Variants in JCAD observed in about 807,000 individuals in gnomAD.
JCAD encodes the protein junctional cadherin 5-associated protein.
In JCAD, 40 loss-of-function variants were observed where a neutral mutation model predicts 98.0. The ratio of observed to expected loss-of-function variants is 0.41; its 90% CI spans 0.32 to 0.53. The LOEUF is 0.53. JCAD is among the 20% of genes least tolerant of loss of function. The probability of loss-of-function intolerance (pLI) is 0.31; values close to 1 mark genes in which losing one functional copy is unlikely to be tolerated. For missense variants in JCAD, 1,705 were observed against 1,738.1 expected (o/e 0.98, Z 0.34); for synonymous variants, 691 against 682.3 (o/e 1.01, Z -0.20).
At chr10:30,069,458 A>G (rs1016701208) in intron 2 of JCAD, among the ~76,000 whole-genome samples, 7 of 151,730 alleles carry the variant, frequency 4.6e-5, no homozygotes, top group African/African-American at 1.7e-4. Context: ...AAAAAAAAAA[A>G]AAAAAAAAAA....
intron 1 of JCAD, among the ~76,000 whole-genome samples, chr10:30,088,606 A>G (rs1047209103): frequency 2.0e-5 from 3 of 152,226 alleles, no homozygotes; most frequent in African/African-American, 7.2e-5. Flanking sequence ...GATAAAGTCC[A>G]TGGGAAGAAA....
chr10:30,072,746 G>A (rs2132672961), intron 1 of JCAD, among the ~76,000 whole-genome samples: 1 of 151,996 alleles, frequency 6.6e-6, no homozygotes, highest in South Asian at 2.1e-4. Flanking sequence ...TTCGCCTCCT[G>A]GGTTCAAGAG....
intron 2 of JCAD, among the ~76,000 whole-genome samples, chr10:30,038,655 G>A (rs1360088283): frequency 5.6e-5 from 8 of 143,046 alleles, no homozygotes; most frequent in South Asian, 2.2e-4. Context: ...CACTGCACTC[G>A]CCTGGGTGAC....
At chr10:30,064,272 G>C (rs969012481), upstream of JCAD, among the ~76,000 whole-genome samples, 7 of 152,114 alleles carry the variant, frequency 4.6e-5, no homozygotes, top group African/African-American at 1.4e-4. Context: ...TAGCATGTGA[G>C]CATGCTCAGC....
At chr10:30,018,469 C>T (rs776326478) in intron 3 of JCAD, among the ~76,000 whole-genome samples, 40 of 152,222 alleles carry the variant, frequency 2.6e-4, no homozygotes, top group Non-Finnish European at 5.4e-4. Context: ...AGCCCCAGGG[C>T]TGGATGCTCA....
At chr10:30,094,467 C>A (rs1838337008) in intron 1 of JCAD, among the ~76,000 whole-genome samples, 2 of 151,828 alleles carry the variant, frequency 1.3e-5, no homozygotes. Context: ...AAACAAAAAC[C>A]ACAACAAAAA....
intron 2 of JCAD, among the ~76,000 whole-genome samples, chr10:30,033,810 T>C (rs1234157901): frequency 6.6e-6 from 1 of 152,170 alleles, no homozygotes; most frequent in Non-Finnish European, 1.5e-5. Flanking sequence ...GGAGAGCCCT[T>C]CCAATCACAG....
intron 1 of JCAD, among the ~76,000 whole-genome samples, chr10:30,099,028 T>C (rs1169428854): frequency 6.6e-6 from 1 of 152,238 alleles, no homozygotes; most frequent in Non-Finnish European, 1.5e-5. Context: ...ATTACTTAGA[T>C]AGCTGCATTA....
intron 1 of JCAD, among the ~76,000 whole-genome samples, chr10:30,095,563 G>C (rs992686259): frequency 1.3e-5 from 2 of 152,216 alleles, no homozygotes; most frequent in Non-Finnish European, 2.9e-5. Context: ...CTGGAATTGT[G>C]CATTTTGTTC....
At chr10:30,091,149 T>C (rs1308450249) in intron 1 of JCAD, among the ~76,000 whole-genome samples, 1 of 152,242 alleles carries the variant, frequency 6.6e-6, no homozygotes. Flanking sequence ...TTGTTTGGCA[T>C]CATTAAGAGA....
chr10:30,031,855 C>T (rs1316768767), intron 2 of JCAD, among the ~76,000 whole-genome samples: 1 of 145,586 alleles, frequency 6.9e-6, no homozygotes, highest in African/African-American at 2.6e-5. Context: ...CCCGTGTTCA[C>T]GCCATTCTCC....
At position 30,017,910 on chromosome 10, in the gene JCAD, A is replaced by G; in HGVS notation, c.4053T>C (p.Tyr1351=). ...ACACCCTCTCCACTCTGCTAGGGTC[A>G]TAGGAATCTGTAAAATAAGAAAAGA... is the stretch of plus-strand genomic sequence containing the variant. The part of the protein sequence containing the change: ...MDQDFWCPDS[Y]DPSRVERV The change falls in exon 4 of 4, where the codon TAT becomes TAC. Residue 1351 remains tyrosine, a synonymous_variant. Coordinates refer to ENST00000375377, the MANE Select transcript of JCAD (RefSeq NM_020848.4). The G allele has an allele frequency of 6.2e-7, 1 of 1,611,198 alleles. No homozygotes were observed. Among genetic ancestry groups the G allele is most frequent in the Non-Finnish European group, 8.5e-7 (1 of 1,178,316 alleles).
chr10:30,111,610 G>T (rs912050899), intron 1 of JCAD, among the ~76,000 whole-genome samples: 4 of 152,098 alleles, frequency 2.6e-5, no homozygotes, highest in Non-Finnish European at 5.9e-5. Flanking sequence ...GATGTGACAT[G>T]ACATGATAAA....
At chr10:30,051,241 C>G (rs1683824010) in intron 1 of JCAD, among the ~76,000 whole-genome samples, 1 of 151,474 alleles carries the variant, frequency 6.6e-6, no homozygotes, top group Admixed American at 6.6e-5. Flanking sequence ...TTCTAGATGA[C>G]TCTTCTCACA....
chr10:30,047,937 C>T (rs1837387719), intron 1 of JCAD, 66 bp from the exon 2 acceptor site: 9 of 991,190 alleles, frequency 9.1e-6, no homozygotes, highest in Non-Finnish European at 1.3e-5. Flanking sequence ...ACACCTCCTC[C>T]TCCCGTGGTC....
chr10:30,089,532 G>C lies in JCAD; in HGVS notation n.129-19711C>G, dbSNP rs1175370325. On this transcript the variant is annotated intron_variant and non_coding_transcript_variant, in intron 1 of 2. Transcript: ENST00000465712. ...TTCTTCCGTGTGTGTGTGTGTGTGTGTGTGTGTGTGTGTGTGTGTTTGCTA... is the reference window on the plus strand; with the variant it reads ...TTCTTCCGTGTGTGTGTGTGTGTGTCTGTGTGTGTGTGTGTGTGTTTGCTA... 2.6e-5 allele frequency among the ~76,000 whole-genome samples: 4 copies of C among 151,696 alleles called. No individual in the cohort carries two copies. In the East Asian group the frequency reaches 7.7e-4, roughly 29 times the overall value.
rs966437617 is a variant in JCAD, at chr10:30,014,332, C to A, written c.*3551G>T. On this transcript the variant is annotated 3_prime_UTR_variant, in exon 4 of 4. Coordinates refer to ENST00000375377, the MANE Select transcript of JCAD (RefSeq NM_020848.4). ...CGTCTTTTAAGCTTCATCTCCCCTG[C>A]ATAAATGGGTCTGGTAGAACAATGC... is the stretch of plus-strand genomic sequence containing the variant. 2.6e-5 allele frequency: 4 copies of A among 152,174 alleles called. No individual in the cohort carries two copies. The highest frequency in any genetic ancestry group is 9.7e-5 in the African/African-American group (4 of 41,440). 9.4% of individuals were successfully genotyped at this position (152,174 alleles called of 1,614,324 possible). A position where few individuals can be genotyped will look rare whatever the true frequency, so the allele number is the denominator to read the frequency against.
intron 2 of JCAD, among the ~76,000 whole-genome samples, chr10:30,030,993 A>AGAGTC (rs1277442661): frequency 6.6e-6 from 1 of 151,092 alleles, no homozygotes; most frequent in Non-Finnish European, 1.5e-5. Context: ...TGTCTCTAGC[A>AGAGTC]GAGTCCCCTC....
chr10:30,113,808 C>A (rs997441989), intron 1 of JCAD, among the ~76,000 whole-genome samples: 1 of 152,096 alleles, frequency 6.6e-6, no homozygotes, highest in African/African-American at 2.4e-5. Flanking sequence ...CTCCTCCTGG[C>A]CATTTGAATA....
Sources: gnomAD v4.1 joint callset for allele counts (sites outside exome capture counted in the v4.1 genomes callset) on GRCh38, gnomAD v4.1.1 for gene constraint, MANE v1.5 for transcripts, NCBI Gene and HGNC (gene_info 2026-07-23, HGNC 2026-07-21) for gene names.